Variants in TENM4 observed in about 807,000 individuals in gnomAD.
TENM4 encodes teneurin transmembrane protein 4.
TENM4 carries 82 observed loss-of-function variants against 243.3 expected under a neutral mutation model. The ratio of observed to expected loss-of-function variants is 0.34; its 90% CI spans 0.28 to 0.40. The LOEUF is 0.40. TENM4 is among the 10% of genes least tolerant of loss of function. The probability of loss-of-function intolerance (pLI) is 1.00; values close to 1 mark genes in which losing one functional copy is unlikely to be tolerated. For missense variants in TENM4, 3,138 were observed against 3,673.3 expected (o/e 0.85, Z 3.77); for synonymous variants, 1,412 against 1,456.3 (o/e 0.97, Z 0.69).
At chr11:78,825,744 A>G (rs1178957515) in intron 12 of TENM4, among the ~76,000 whole-genome samples, 1 of 152,216 alleles carries the variant, frequency 6.6e-6, no homozygotes, top group African/African-American at 2.4e-5. Context: ...GAGGTCAAGT[A>G]AGAGTAAGAG....
At chr11:79,201,502 CA>C (rs11418108) in intron 3 of TENM4, among the ~76,000 whole-genome samples, 1,698 of 145,526 alleles carry the variant, frequency 0.012, 34 homozygotes, top group African/African-American at 0.038. Context: ...AATAACCAGG[CA>C]AAAAAAAAAA....
At chr11:79,163,894 TG>T (rs1381416836) in intron 3 of TENM4, among the ~76,000 whole-genome samples, 1 of 144,218 alleles carries the variant, frequency 6.9e-6, no homozygotes, top group Admixed American at 7.1e-5. Context: ...ATATTATATA[TG>T]GATATATATC....
At chr11:79,257,948 T>G (rs772857596) in intron 2 of TENM4, among the ~76,000 whole-genome samples, 17 of 152,338 alleles carry the variant, frequency 1.1e-4, no homozygotes, top group Non-Finnish European at 2.1e-4. Flanking sequence ...GAAAACAGCC[T>G]GCAGAATGAG....
At chr11:79,209,893 C>G (rs1252494566) in intron 3 of TENM4, among the ~76,000 whole-genome samples, 1 of 152,194 alleles carries the variant, frequency 6.6e-6, no homozygotes, top group Non-Finnish European at 1.5e-5. Context: ...CTCTGCATTG[C>G]AGTTTGATTA....
intron 3 of TENM4, among the ~76,000 whole-genome samples, chr11:79,163,980 ATATATAGTG>A (rs1307930505): frequency 7.6e-6 from 1 of 130,914 alleles, no homozygotes; most frequent in Non-Finnish European, 1.6e-5. Flanking sequence ...TATATAGTGT[ATATATAGTG>A]TATATATAGT....
intron 9 of TENM4, among the ~76,000 whole-genome samples, chr11:78,873,008 T>C (rs890270823): frequency 2.6e-5 from 4 of 152,252 alleles, no homozygotes; most frequent in Non-Finnish European, 5.9e-5. Flanking sequence ...TAACTTGGGA[T>C]AATATTTCTT....
At chr11:79,376,756 G>T (rs1489509522) in intron 1 of TENM4, among the ~76,000 whole-genome samples, 1 of 152,168 alleles carries the variant, frequency 6.6e-6, no homozygotes, top group Non-Finnish European at 1.5e-5. Flanking sequence ...TCCTGCCCTT[G>T]CCAGGGTGGT....
At chr11:79,067,204 G>A (rs1860286177) in intron 5 of TENM4, among the ~76,000 whole-genome samples, 1 of 152,218 alleles carries the variant, frequency 6.6e-6, no homozygotes, top group Admixed American at 6.5e-5. Flanking sequence ...GGGCCAACCA[G>A]ATGTTAAGTA....
rs761589251 is a variant in TENM4, at chr11:78,701,816, T to C, written c.4797A>G (p.Gln1599=). Residue 1599 remains glutamine (Q), a synonymous_variant, in exon 28 of 34, where the codon CAA becomes CAG. Coordinates refer to ENST00000278550, the MANE Select transcript of TENM4 (RefSeq NM_001098816.3). The part of the protein sequence containing the change: ...FDTTGKHLYT[Q]SLPTGDYLYN... ...ACAGGTAGTCTCCTGTGGGCAGGCT[T>C]TGGGTGTACAGGTGCTTGCCGGTGG... 1 of 1,613,958 alleles carries C rather than the reference T, an allele frequency of 6.2e-7. No individual in the cohort carries two copies. The highest frequency in any genetic ancestry group is 1.7e-5 in the Admixed American group (1 of 60,020).
At position 78,854,132 on chromosome 11, in the gene TENM4, T is replaced by C; in HGVS notation, c.1653A>G (p.Glu551=). ...TGGCAGTGGTGAGAAAGGAAACCAC[T>C]TCTGACTCCTTTCCGTCATTGTAAA... ...LAFYNDGKES[E]VVSFLTTAIE... Residue 551 remains glutamate, a synonymous_variant, in exon 12 of 34, where the codon GAA becomes GAG. Transcript: ENST00000278550. 1.3e-6 allele frequency: 2 copies of C among 1,551,744 alleles called. No homozygotes were observed. The highest frequency in any genetic ancestry group is 2.4e-5 in the South Asian group (2 of 84,048).
intron 16 of TENM4, 93 bp from the exon 17 acceptor site, chr11:78,778,721 G>A (rs973663870): frequency 2.8e-5 from 34 of 1,211,158 alleles, no homozygotes; most frequent in Non-Finnish European, 4.1e-5. Flanking sequence ...ACAGACAAAG[G>A]GATTGTGCCC....
chr11:79,320,017 A>G (rs2135426441), intron 1 of TENM4, among the ~76,000 whole-genome samples: 1 of 152,160 alleles, frequency 6.6e-6, no homozygotes, highest in African/African-American at 2.4e-5. Flanking sequence ...CCTACCTTCT[A>G]CTGCAGTGGA....
intron 8 of TENM4, 111 bp from the exon 9 acceptor site, chr11:78,890,131 T>C: frequency 1.2e-6 from 1 of 806,016 alleles, no homozygotes; most frequent in Non-Finnish European, 1.9e-6. Flanking sequence ...GGAGCCTGGA[T>C]AGAGAGAGTC....
intron 6 of TENM4, among the ~76,000 whole-genome samples, chr11:78,947,888 T>C (rs933545116): frequency 6.6e-6 from 1 of 152,162 alleles, no homozygotes; most frequent in East Asian, 1.9e-4. Context: ...ATCGGTTCTC[T>C]GTAAAGGTTT....
At chr11:79,298,521 CAAAAAAAAAAAAAAA>C (rs61373828) in intron 1 of TENM4, among the ~76,000 whole-genome samples, 2 of 17,256 alleles carry the variant, frequency 1.2e-4, no homozygotes, top group Non-Finnish European at 1.8e-4. Flanking sequence ...GACTCCGTCT[CAAAAAAAAAAAAAAA>C]AAAAAAAAAA....
chr11:78,823,426 A>G (rs548998983), intron 12 of TENM4, among the ~76,000 whole-genome samples: 1 of 152,298 alleles, frequency 6.6e-6, no homozygotes, highest in Non-Finnish European at 1.5e-5. Context: ...GGCCAATAAG[A>G]GCCCGTTCTC....
At chr11:78,897,477 T>G (rs1008050608) in intron 7 of TENM4, among the ~76,000 whole-genome samples, 1 of 152,200 alleles carries the variant, frequency 6.6e-6, no homozygotes, top group African/African-American at 2.4e-5. Context: ...CTGTGAAGAA[T>G]GAAGTTAACA....
intron 3 of TENM4, among the ~76,000 whole-genome samples, chr11:79,209,780 T>C (rs477402): frequency 0.91 from 138,019 of 152,300 alleles, 62,738 homozygotes; most frequent in Middle Eastern, 0.95. Context: ...GAACCAGCCT[T>C]AGCATTTCTC....
intron 6 of TENM4, among the ~76,000 whole-genome samples, chr11:78,966,418 A>C (rs749895605): frequency 6.6e-6 from 1 of 152,192 alleles, no homozygotes; most frequent in Non-Finnish European, 1.5e-5. Context: ...TATGATCACG[A>C]AAGTATGGCA....
Sources: allele counts gnomAD v4.1 joint callset (sites outside exome capture counted in the v4.1 genomes callset), GRCh38; gene constraint gnomAD v4.1.1; transcripts MANE v1.5; gene names NCBI Gene and HGNC (gene_info 2026-07-23, HGNC 2026-07-21).